Variants in ATE1 observed in about 807,000 individuals in gnomAD.
ATE1 encodes the protein arginyltransferase 1.
Under a neutral mutation model 70.5 loss-of-function variants are expected in ATE1, and 36 were observed. The ratio of observed to expected loss-of-function variants is 0.51; its 90% confidence interval spans 0.39 to 0.67. The LOEUF (loss-of-function observed/expected upper bound fraction) is 0.67, where lower values mean the gene tolerates loss of function less well. Ranked by LOEUF, ATE1 falls within the 30% of genes least tolerant of loss-of-function variation. The pLI is 0.00. For synonymous variants in ATE1, 232 were observed against 219.3 expected (o/e 1.06, Z -0.51); for missense variants, 593 against 629.5 (o/e 0.94, Z 0.62).
rs1948620119 is a variant in ATE1 at position 121,841,275 on chromosome 10, CA to C, written c.976-13del. The stretch of plus-strand genomic sequence containing the variant: ...GGGGGAGTCTCTGCCTAAGAAAAAG[CA>C]GAGGCACAAACAGCCATTTTTTTAA... On this transcript the variant is annotated splice_polypyrimidine_tract_variant and intron_variant, in intron 8 of 11. Transcript: ENST00000224652. The C allele has an allele frequency of 6.9e-7, 1 of 1,443,520 alleles. No homozygotes were observed. The highest frequency in any genetic ancestry group is 1.4e-5 in the African/African-American group (1 of 70,074). 89.4% of individuals were successfully genotyped at this position (1,443,520 alleles called of 1,614,324 possible).
intron 10 of ATE1, among the ~76,000 whole-genome samples, chr10:121,817,353 C>T (rs1437926376): frequency 3.3e-5 from 5 of 152,242 alleles, no homozygotes; most frequent in African/African-American, 1.2e-4. Context: ...ACGGTGAAAC[C>T]CCGTCTCTAC....
At chr10:121,881,376 C>G (rs1950217862) in intron 7 of ATE1, among the ~76,000 whole-genome samples, 1 of 152,102 alleles carries the variant, frequency 6.6e-6, no homozygotes, top group South Asian at 2.1e-4. Flanking sequence ...ATATAGCTAA[C>G]TTATCAAAAC....
intron 11 of ATE1, among the ~76,000 whole-genome samples, chr10:121,762,182 T>C (rs1290672250): frequency 2.0e-5 from 3 of 152,220 alleles, no homozygotes; most frequent in Admixed American, 2.0e-4. Flanking sequence ...TTCCTGACAC[T>C]ATTTATCCTG....
chr10:121,817,471 G>A (rs970117566), intron 10 of ATE1, among the ~76,000 whole-genome samples: 10 of 151,632 alleles, frequency 6.6e-5, no homozygotes, highest in Non-Finnish European at 5.9e-5. Flanking sequence ...CCCGGTAGGC[G>A]GAGCTTGCAG....
chr10:121,899,511 C>A (rs1950899371), intron 7 of ATE1, among the ~76,000 whole-genome samples: 1 of 152,130 alleles, frequency 6.6e-6, no homozygotes, highest in Admixed American at 6.6e-5. Context: ...GCATTAAAAT[C>A]ATGTTAGGCA....
chr10:121,907,209 C>T (rs1590694117), intron 5 of ATE1, among the ~76,000 whole-genome samples: 1 of 152,162 alleles, frequency 6.6e-6, no homozygotes, highest in South Asian at 2.1e-4. Flanking sequence ...AATCCCAGCA[C>T]TTTGGGAGCC....
At chr10:121,879,246 A>T (rs1950155632) in intron 7 of ATE1, among the ~76,000 whole-genome samples, 1 of 152,146 alleles carries the variant, frequency 6.6e-6, no homozygotes, top group Non-Finnish European at 1.5e-5. Context: ...ACTACCTGAA[A>T]TGTACTTCCC....
intron 3 of ATE1, among the ~76,000 whole-genome samples, chr10:121,920,851 G>A (rs901248361): frequency 2.6e-5 from 4 of 151,628 alleles, no homozygotes; most frequent in East Asian, 3.9e-4. Flanking sequence ...AAAATTAGCC[G>A]GGCGTGGTGG....
chr10:121,794,313 C>T, intron 10 of ATE1, among the ~76,000 whole-genome samples: 1 of 151,978 alleles, frequency 6.6e-6, no homozygotes, highest in Non-Finnish European at 1.5e-5. Context: ...GAATTTGGTA[C>T]AAAAATATTA....
intron 11 of ATE1, among the ~76,000 whole-genome samples, chr10:121,751,990 G>A (rs1026079875): frequency 6.6e-6 from 1 of 151,618 alleles, no homozygotes; most frequent in Non-Finnish European, 1.5e-5. Context: ...TCAGGAAATC[G>A]AGACCATCCT....
At chr10:121,787,153 G>A (rs561701512) in intron 11 of ATE1, among the ~76,000 whole-genome samples, 11 of 152,262 alleles carry the variant, frequency 7.2e-5, no homozygotes, top group Admixed American at 5.2e-4. Flanking sequence ...ACACCTTGAA[G>A]CCACAGTTGG....
intron 11 of ATE1, among the ~76,000 whole-genome samples, chr10:121,761,975 G>C (rs1404936682): frequency 1.3e-5 from 2 of 152,062 alleles, no homozygotes; most frequent in Non-Finnish European, 2.9e-5. Flanking sequence ...TTACTTAATG[G>C]CCATTCCCTC....
chr10:121,875,094 G>A (rs1252288749), intron 7 of ATE1, among the ~76,000 whole-genome samples: 3 of 133,908 alleles, frequency 2.2e-5, no homozygotes, highest in African/African-American at 5.7e-5. Flanking sequence ...AGTCGAGACC[G>A]CACCACTGCA....
chr10:121,830,488 G>A (rs753103572), intron 10 of ATE1, among the ~76,000 whole-genome samples: 105 of 152,020 alleles, frequency 6.9e-4, no homozygotes, highest in Non-Finnish European at 5.9e-4. Flanking sequence ...CCATGCCCTT[G>A]GACTTTCCCG....
At chr10:121,805,843 T>C (rs1302696499) in intron 10 of ATE1, among the ~76,000 whole-genome samples, 1 of 152,212 alleles carries the variant, frequency 6.6e-6, no homozygotes, top group Non-Finnish European at 1.5e-5. Flanking sequence ...CAGACCACTA[T>C]ATGACTATTT....
At chr10:121,775,674 T>C (rs149199313) in intron 11 of ATE1, among the ~76,000 whole-genome samples, 20 of 152,332 alleles carry the variant, frequency 1.3e-4, no homozygotes, top group African/African-American at 3.4e-4. Flanking sequence ...GTTGGCATTT[T>C]ATTTATTAGT....
Position 121,742,698 on chromosome 10 carries a change from A to T in ATE1, c.*982T>A, listed in dbSNP as rs1944188195. 2.0e-5 allele frequency: 3 copies of T among 152,150 alleles called. No individual in the cohort carries two copies. The highest frequency in any genetic ancestry group is 2.0e-4 in the Admixed American group (3 of 15,280). 9.4% of individuals were successfully genotyped at this position (152,150 alleles called of 1,614,324 possible). On this transcript the variant is annotated 3_prime_UTR_variant, in exon 12 of 12. Transcript: ENST00000224652. ...CACCCTGACTGTGACTCTCAAATCA[A>T]AGGACAAGAAATGGATTGTTCTAGC...
At chr10:121,862,657 A>G (rs1045494118) in intron 8 of ATE1, among the ~76,000 whole-genome samples, 1 of 147,712 alleles carries the variant, frequency 6.8e-6, no homozygotes, top group Admixed American at 7.0e-5. Flanking sequence ...TACAAGCATG[A>G]GCTAACGCGC....
chr10:121,863,252 C>CT (rs1162295975), intron 8 of ATE1, among the ~76,000 whole-genome samples: 3,021 of 127,318 alleles, frequency 0.024, 143 homozygotes, highest in African/African-American at 0.063. Context: ...CTGAAGTCTA[C>CT]TTTTTTTTTT....
Sources: allele counts gnomAD v4.1 joint callset (sites outside exome capture counted in the v4.1 genomes callset), GRCh38; gene constraint gnomAD v4.1.1; transcripts MANE v1.5; gene names NCBI Gene and HGNC (gene_info 2026-07-23, HGNC 2026-07-21).